Variants in MTSS1 observed in about 807,000 individuals in gnomAD.
MTSS1 encodes the protein protein MTSS 1.
Under a neutral mutation model 79.0 loss-of-function variants are expected in MTSS1, and 18 were observed. That is an observed-to-expected ratio of 0.23 (90% CI 0.16 to 0.34). The LOEUF (loss-of-function observed/expected upper bound fraction) is 0.34, where lower values mean the gene tolerates loss of function less well. Among genes scored for constraint, MTSS1 ranks in the 10% least tolerant of loss-of-function variants. The pLI is 1.00. For missense variants in MTSS1, 815 were observed against 986.2 expected (o/e 0.83, Z 2.33); for synonymous variants, 341 against 368.6 (o/e 0.93, Z 0.86).
chr8:124,556,432 C>T, intron 11 of MTSS1, 27 bp from the exon 12 acceptor site: 1 of 1,582,418 alleles, frequency 6.3e-7, no homozygotes, highest in Non-Finnish European at 8.6e-7. Flanking sequence ...CGGTCAGGAG[C>T]CAGGGCCTCT....
intron 3 of MTSS1, among the ~76,000 whole-genome samples, chr8:124,633,777 A>AC (rs1816476100): frequency 6.6e-6 from 1 of 151,874 alleles, no homozygotes; most frequent in African/African-American, 2.4e-5. Flanking sequence ...GTCTCAAAAA[A>AC]AAAAAAACCA....
At chr8:124,722,293 TAAAC>T (rs1417517440) in intron 1 of MTSS1, among the ~76,000 whole-genome samples, 5 of 152,140 alleles carry the variant, frequency 3.3e-5, no homozygotes, top group Admixed American at 3.3e-4. Context: ...CAGAGAATCT[TAAAC>T]AACCCAAATC....
At chr8:124,693,002 C>T (rs1828212911) in intron 3 of MTSS1, among the ~76,000 whole-genome samples, 2 of 152,020 alleles carry the variant, frequency 1.3e-5, no homozygotes, top group Non-Finnish European at 2.9e-5. Flanking sequence ...GCATGTCCCC[C>T]GAGGCCCTGA....
In MTSS1 at chr8:124,622,902, A is replaced by G. The variant is rs144268012; in HGVS notation, c.209-31667T>C. Among the ~76,000 whole-genome samples, 17 of 152,342 alleles carry G rather than the reference A, an allele frequency of 1.1e-4. No homozygotes were observed. The East Asian group carries it at 2.5e-3, about 22-fold the overall frequency. On this transcript the variant is annotated intron_variant, in intron 3 of 13. Transcript: ENST00000518547. ...AAACTTCATGTTGTACACCTTAAAT[A>G]TACACACAAACACACAAAAGACAAT... is the stretch of plus-strand genomic sequence containing the variant.
intron 3 of MTSS1, among the ~76,000 whole-genome samples, chr8:124,620,108 G>A (rs1328373301): frequency 6.6e-6 from 1 of 152,062 alleles, no homozygotes; most frequent in Non-Finnish European, 1.5e-5. Flanking sequence ...ACCATGCCTG[G>A]CTAATTTTTT....
intron 3 of MTSS1, among the ~76,000 whole-genome samples, chr8:124,626,474 A>G (rs1188328752): frequency 6.6e-6 from 1 of 152,164 alleles, no homozygotes; most frequent in African/African-American, 2.4e-5. Context: ...CATGCTTCAA[A>G]ATAAAAATAA....
chr8:124,612,328 G>A (rs1377457004), intron 3 of MTSS1, among the ~76,000 whole-genome samples: 2 of 152,190 alleles, frequency 1.3e-5, no homozygotes, highest in Non-Finnish European at 1.5e-5. Flanking sequence ...ACTGGCAGCC[G>A]CCATTTCCAG....
chr8:124,563,191 A>G, intron 9 of MTSS1, 199 bp from the exon 10 acceptor site: 1 of 590,496 alleles, frequency 1.7e-6, no homozygotes, highest in Non-Finnish European at 3.0e-6. Context: ...AAGGTAGTCA[A>G]CAAAATGCTT....
chr8:124,645,393 T>A (rs902929248), intron 3 of MTSS1, among the ~76,000 whole-genome samples: 12 of 152,030 alleles, frequency 7.9e-5, no homozygotes, highest in African/African-American at 2.9e-4. Flanking sequence ...CACCAATTTT[T>A]AAAAGAAAAT....
At chr8:124,577,601 G>A (rs566130122) in intron 6 of MTSS1, 4 of 518,818 alleles carry the variant, frequency 7.7e-6, no homozygotes, top group African/African-American at 7.7e-5. Flanking sequence ...GCTTTCTGAT[G>A]GTCACAATAG....
Position 124,557,741 on chromosome 8 carries a change from G to T in MTSS1, c.1170C>A (p.Tyr390Ter). 2 of 1,602,398 alleles carry T rather than the reference G, an allele frequency of 1.2e-6. No homozygotes were observed. The highest frequency in any genetic ancestry group is 2.3e-5 in the South Asian group (2 of 88,604). Residue 390 changes from tyrosine to a stop codon, truncating the protein, a stop_gained, in exon 11 of 14, where the codon TAC (tyrosine) becomes TAA (stop). Coordinates refer to ENST00000518547, the MANE Select transcript of MTSS1 (RefSeq NM_014751.6). LOFTEE classifies it high-confidence loss of function. ...PRVTSVHLPDYAHYYTIGPGM... is the reference protein window; with the variant it reads ...PRVTSVHLPD ...CGGGCCCAATGGTGTAATAATGAGC[G>T]TAGTCTGGAAGGTGGACAGAGGTGA...
At chr8:124,627,797 C>T (rs77836998) in intron 3 of MTSS1, among the ~76,000 whole-genome samples, 4,229 of 152,334 alleles carry the variant, frequency 0.028, 76 homozygotes, top group South Asian at 0.049. Flanking sequence ...GAGAGAAGCA[C>T]AGGGAGACAG....
chr8:124,572,137 C>T (rs778228115), intron 6 of MTSS1, among the ~76,000 whole-genome samples: 3 of 151,904 alleles, frequency 2.0e-5, no homozygotes, highest in African/African-American at 7.3e-5. Context: ...GCCACTGAAC[C>T]CAGTGTTATC....
chr8:124,635,450 G>A (rs1373035542), intron 3 of MTSS1, among the ~76,000 whole-genome samples: 1 of 152,222 alleles, frequency 6.6e-6, no homozygotes, highest in South Asian at 2.1e-4. Context: ...TCACTGCAAA[G>A]CTCAGCAGAG....
intron 3 of MTSS1, among the ~76,000 whole-genome samples, chr8:124,643,693 C>T (rs1328723209): frequency 4.4e-5 from 5 of 113,870 alleles, no homozygotes; most frequent in African/African-American, 1.1e-4. Context: ...AGCGAAATTC[C>T]GTCTCAAAAA....
At chr8:124,669,254 C>T (rs1052094667) in intron 3 of MTSS1, among the ~76,000 whole-genome samples, 5 of 152,318 alleles carry the variant, frequency 3.3e-5, no homozygotes, top group East Asian at 3.9e-4. Context: ...ATTAAACAAA[C>T]AATTAGTAGA....
At chr8:124,561,768 G>C (rs913931267) in intron 10 of MTSS1, among the ~76,000 whole-genome samples, 3 of 152,104 alleles carry the variant, frequency 2.0e-5, no homozygotes, top group African/African-American at 7.2e-5. Context: ...ATATGGTTTA[G>C]TGAAGCACAC....
intron 1 of MTSS1, among the ~76,000 whole-genome samples, chr8:124,717,002 T>TAA (rs34043239): frequency 0.027 from 3,598 of 132,294 alleles, 158 homozygotes; most frequent in African/African-American, 0.088. Context: ...TTATAATTAG[T>TAA]AAAAAAAAAA....
chr8:124,574,024 G>T (rs574094655), intron 6 of MTSS1, among the ~76,000 whole-genome samples: 179 of 152,160 alleles, frequency 1.2e-3, no homozygotes, highest in African/African-American at 4.2e-3. Flanking sequence ...ACAGAGTCTC[G>T]CTCTGTTGCC....
Sources: allele counts gnomAD v4.1 joint callset (sites outside exome capture counted in the v4.1 genomes callset), GRCh38; gene constraint gnomAD v4.1.1; transcripts MANE v1.5; gene names NCBI Gene and HGNC (gene_info 2026-07-23, HGNC 2026-07-21).